FRMD4B: variants seen among roughly 807,000 people sequenced by gnomAD.
FRMD4B encodes FERM domain containing 4B.
FRMD4B carries 74 observed loss-of-function variants against 141.5 expected under a neutral mutation model. The observed-to-expected ratio is 0.52, with a 90% CI of 0.43 to 0.63. FRMD4B has a LOEUF of 0.63. Ranked by LOEUF, FRMD4B falls within the 30% of genes least tolerant of loss-of-function variation. The pLI, the probability that FRMD4B is intolerant of heterozygous loss-of-function variation, is 0.00. For synonymous variants in FRMD4B, 506 were observed against 467.9 expected, an observed-to-expected ratio of 1.08 and a Z score of -1.05; for missense variants, 1,366 against 1,253.4, an observed-to-expected ratio of 1.09 and a Z score of -1.36.
intron 1 of FRMD4B, among the ~76,000 whole-genome samples, chr3:69,489,947 A>T (rs1224591318): frequency 6.6e-6 from 1 of 152,240 alleles, no homozygotes; most frequent in Non-Finnish European, 1.5e-5. Flanking sequence ...TTGAACCTCA[A>T]ACACATTATT....
chr3:69,208,453 G>A (rs992410995), intron 11 of FRMD4B, among the ~76,000 whole-genome samples: 6 of 152,112 alleles, frequency 3.9e-5, no homozygotes, highest in African/African-American at 1.4e-4. Flanking sequence ...GCCTACGTCG[G>A]CTTCCCAAAG....
chr3:69,241,778 A>T (rs1227244847), intron 7 of FRMD4B, among the ~76,000 whole-genome samples: 1 of 152,178 alleles, frequency 6.6e-6, no homozygotes, highest in Non-Finnish European at 1.5e-5. Flanking sequence ...AATTTCAAGA[A>T]GAATTGCTTG....
rs113542032 is a variant in FRMD4B at position 69,213,644 on chromosome 3, C to G, written c.876+2619G>C. ...GTCCTCTACTGCTTGTTGAATGATGCGCTGTTGTTTTCATTGATTTTTTTT... is the reference window on the plus strand; with the variant it reads ...GTCCTCTACTGCTTGTTGAATGATGGGCTGTTGTTTTCATTGATTTTTTTT... On this transcript the variant is annotated intron_variant, in intron 11 of 22. Coordinates refer to ENST00000398540, the MANE Select transcript of FRMD4B (RefSeq NM_015123.3). 2.0e-3 allele frequency among the ~76,000 whole-genome samples: 288 copies of G among 142,290 alleles called. 1 individual carries two copies. Among genetic ancestry groups the G allele is most frequent in the African/African-American group, 7.0e-3 (273 of 39,096 alleles). The allele number at this position is 142,290 out of a possible 152,430, so 93.3% of individuals were successfully genotyped here.
At position 69,440,384 on chromosome 3, in the gene FRMD4B, C is replaced by G. The variant is rs562757128; in HGVS notation, c.-128-7623G>C. ...CATATTTGTTTAGTTCATCATTGGG[C>G]TCTCTTTTCTGTCCTATTGATCTAT... On this transcript the variant is annotated intron_variant, in intron 1 of 5. Coordinates refer to the FRMD4B transcript ENST00000459638. 3.3e-5 allele frequency among the ~76,000 whole-genome samples: 5 copies of G among 152,308 alleles called. No individual in the cohort carries two copies. The South Asian group carries it at 8.3e-4, about 25-fold the overall frequency.
At chr3:69,180,619 A>T (rs2107590519) in intron 21 of FRMD4B, among the ~76,000 whole-genome samples, 1 of 152,234 alleles carries the variant, frequency 6.6e-6, no homozygotes, top group East Asian at 1.9e-4. Flanking sequence ...AAAAACAAAA[A>T]AAAACCCTAA....
chr3:69,313,849 A>T (rs2314991), intron 1 of FRMD4B, among the ~76,000 whole-genome samples: 80,188 of 150,488 alleles, frequency 0.53, 21,579 homozygotes, highest in Middle Eastern at 0.62. Context: ...TGTTTTATTT[A>T]AAAAAAAAGG....
At chr3:69,372,579 C>T (rs1703856330) in intron 1 of FRMD4B, among the ~76,000 whole-genome samples, 1 of 152,140 alleles carries the variant, frequency 6.6e-6, no homozygotes, top group African/African-American at 2.4e-5. Flanking sequence ...GCAGGAGAAT[C>T]ACCGGAACCT....
intron 1 of FRMD4B, among the ~76,000 whole-genome samples, chr3:69,328,838 T>A (rs1018962008): frequency 1.3e-5 from 2 of 152,168 alleles, no homozygotes; most frequent in Non-Finnish European, 2.9e-5. Flanking sequence ...ACTGCCTGCC[T>A]GTTTCCTGGA....
chr3:69,491,787 G>C (rs7624778), intron 1 of FRMD4B, among the ~76,000 whole-genome samples: 11,268 of 152,228 alleles, frequency 0.074, 750 homozygotes, highest in African/African-American at 0.18. Flanking sequence ...TTCACAAGAG[G>C]AATGAAGACC....
intron 2 of FRMD4B, among the ~76,000 whole-genome samples, chr3:69,430,158 T>C (rs1263200215): frequency 6.6e-6 from 1 of 152,098 alleles, no homozygotes; most frequent in Non-Finnish European, 1.5e-5. Context: ...AGGACTGATA[T>C]TGAGTAGGAA....
Position 69,419,508 on chromosome 3 carries a change from G to A in FRMD4B, c.-1+13126C>T, listed in dbSNP as rs556212121. Among the ~76,000 whole-genome samples, 12 of 137,020 alleles carry A rather than the reference G, an allele frequency of 8.8e-5. No individual in the cohort carries two copies. The South Asian group carries it at 3.0e-3, about 34-fold the overall frequency. 89.9% of individuals were successfully genotyped at this position (137,020 alleles called of 152,430 possible). Reference sequence around the variant, plus strand: ...CAATAATTCCAGCAAGACTCCCTCAGTTATCCTTCACTGGCTCACTGGCTA... The same window carrying A: ...CAATAATTCCAGCAAGACTCCCTCAATTATCCTTCACTGGCTCACTGGCTA... On this transcript the variant is annotated intron_variant, in intron 2 of 5. Transcript: ENST00000459638.
intron 1 of FRMD4B, among the ~76,000 whole-genome samples, chr3:69,328,627 A>C (rs1380526579): frequency 6.6e-6 from 1 of 152,200 alleles, no homozygotes; most frequent in Non-Finnish European, 1.5e-5. Context: ...ACAGCAAAGA[A>C]GCCAGCCAAA....
chr3:69,410,726 A>AAT lies in FRMD4B; in HGVS notation c.-1+21906_-1+21907dup, dbSNP rs767608068. Among the ~76,000 whole-genome samples the AAT allele has an allele frequency of 9.2e-3, 791 of 85,572 alleles. 7 individuals are homozygous for AAT. The highest frequency in any genetic ancestry group is 0.013 in the Non-Finnish European group (549 of 40,682). 56.1% of individuals were successfully genotyped at this position (85,572 alleles called of 152,430 possible). A position where few individuals can be genotyped will look rare whatever the true frequency, so the allele number is the denominator to read the frequency against. Reference sequence around the variant, plus strand: ...AAATATATAAATAAATAAATAAATAAATATATATATATATATATATATATA... The same window carrying AAT: ...AAATATATAAATAAATAAATAAATAAATATATATATATATATATATATATATA... On this transcript the variant is annotated intron_variant, in intron 2 of 5. Coordinates refer to the FRMD4B transcript ENST00000459638.
chr3:69,488,736 A>G (rs868565271), intron 1 of FRMD4B, among the ~76,000 whole-genome samples: 1 of 151,556 alleles, frequency 6.6e-6, no homozygotes, highest in Non-Finnish European at 1.5e-5. Flanking sequence ...CCCCATCTCC[A>G]CTAAAAATTA....
intron 1 of FRMD4B, among the ~76,000 whole-genome samples, chr3:69,501,855 G>A (rs374658191): frequency 6.6e-6 from 1 of 152,070 alleles, no homozygotes; most frequent in African/African-American, 2.4e-5. Context: ...AAATCAATGT[G>A]CAAAAATCAC....
Position 69,458,326 on chromosome 3 carries a change from C to T in FRMD4B, c.-128-25565G>A, listed in dbSNP as rs562196281. Among the ~76,000 whole-genome samples, 57 of 152,234 alleles carry T rather than the reference C, an allele frequency of 3.7e-4. 2 individuals are homozygous for T. In the South Asian group the frequency reaches 9.9e-3, roughly 27 times the overall value. On this transcript the variant is annotated intron_variant, in intron 1 of 5. Coordinates refer to the FRMD4B transcript ENST00000459638. ...GAACTAGATAGACACAGTCTATGCT[C>T]ACAGAGCATGAGGCATTAAACAACG...
intron 1 of FRMD4B, among the ~76,000 whole-genome samples, chr3:69,496,636 AAAGAGAGAGAGAGAGAGAG>A (rs1706399767): frequency 8.5e-5 from 10 of 118,254 alleles, no homozygotes; most frequent in South Asian, 2.8e-4. Flanking sequence ...AGAGAGAGAG[AAAGAGAGAGAGAGAGAGAG>A]AGAGAGAGAG....
chr3:69,188,988 G>A (rs2092804162), intron 18 of FRMD4B, among the ~76,000 whole-genome samples: 2 of 151,878 alleles, frequency 1.3e-5, no homozygotes, highest in Non-Finnish European at 2.9e-5. Flanking sequence ...TTGGGAGGCC[G>A]AGGCAGGCAG....
At chr3:69,341,422 C>T (rs1027085914) in intron 1 of FRMD4B, among the ~76,000 whole-genome samples, 8 of 152,214 alleles carry the variant, frequency 5.3e-5, no homozygotes, top group African/African-American at 1.4e-4. Context: ...GGGAACCTGC[C>T]TCCTCTGCAC....
Sources: allele counts gnomAD v4.1 joint callset (sites outside exome capture counted in the v4.1 genomes callset), GRCh38; gene constraint gnomAD v4.1.1; transcripts MANE v1.5; gene names NCBI Gene and HGNC (gene_info 2026-07-23, HGNC 2026-07-21).